Variants in SLC22A24 observed in about 807,000 individuals in gnomAD.
SLC22A24 encodes steroid transmembrane transporter SLC22A24.
In SLC22A24, 53 loss-of-function variants were observed where a neutral mutation model predicts 49.8. The ratio of observed to expected loss-of-function variants is 1.06; its 90% CI spans 0.85 to 1.34. The LOEUF (loss-of-function observed/expected upper bound fraction) is 1.34. Among genes scored for constraint, SLC22A24 ranks in the 40% most tolerant of loss-of-function variants. The probability of loss-of-function intolerance (pLI) is 0.00; values close to 1 mark genes in which losing one functional copy is unlikely to be tolerated. For missense variants in SLC22A24, 786 were observed against 675.9 expected (o/e 1.16, Z -1.81); for synonymous variants, 302 against 256.4 (o/e 1.18, Z -1.70).
chr11:63,083,271 G>T lies in SLC22A24; in HGVS notation c.1257C>A (p.Phe419Leu). Residue 419 changes from phenylalanine (F) to leucine (L), a missense_variant, in exon 7 of 10, where the codon TTC becomes TTA. Coordinates refer to ENST00000612278, the MANE Select transcript of SLC22A24 (RefSeq NM_001136506.2). ...QILFTFPVGL[F>L]ILVNTFLPQE... ...GGGGCAAAAAGGTGTTGACCAGAAT[G>T]AAAAGTCCCACCGGGAACGTGAACA... 1 of 1,559,028 alleles carries T rather than the reference G, an allele frequency of 6.4e-7. No homozygotes were observed. Among genetic ancestry groups the T allele is most frequent in the Non-Finnish European group, 8.7e-7 (1 of 1,150,406 alleles).
intron 3 of SLC22A24, 41 bp downstream of exon 3, chr11:63,119,140 C>T (rs1003539082): frequency 1.3e-6 from 2 of 1,526,486 alleles, no homozygotes; most frequent in African/African-American, 2.8e-5. Flanking sequence ...AAGGTCAATT[C>T]AAGACATGGA....
intron 2 of SLC22A24, among the ~76,000 whole-genome samples, chr11:63,132,308 C>A (rs1484618282): frequency 6.6e-6 from 1 of 152,156 alleles, no homozygotes; most frequent in Non-Finnish European, 1.5e-5. Context: ...ATTCTTCATC[C>A]AGTTTTTTTC....
intron 4 of SLC22A24, among the ~76,000 whole-genome samples, chr11:63,112,804 G>A (rs1474841548): frequency 4.0e-5 from 6 of 151,458 alleles, no homozygotes; most frequent in Non-Finnish European, 7.4e-5. Flanking sequence ...ACGAGGTCAG[G>A]AGATTGAGAC....
chr11:63,085,526 C>T (rs192520145), intron 6 of SLC22A24, among the ~76,000 whole-genome samples: 6 of 152,156 alleles, frequency 3.9e-5, no homozygotes, highest in Admixed American at 3.3e-4. Flanking sequence ...AGCAGGTTTT[C>T]GTCTGAGACA....
At chr11:63,135,920 G>A (rs900654706) in intron 1 of SLC22A24, among the ~76,000 whole-genome samples, 1 of 152,204 alleles carries the variant, frequency 6.6e-6, no homozygotes, top group East Asian at 1.9e-4. Context: ...ACAATGACCA[G>A]TTGAGAGCAA....
chr11:63,094,234 A>G (rs1191077953), intron 6 of SLC22A24, among the ~76,000 whole-genome samples: 1 of 147,502 alleles, frequency 6.8e-6, no homozygotes, highest in African/African-American at 2.5e-5. Context: ...GAGTGAGAAC[A>G]TGCAGTGTTT....
chr11:63,116,717 A>C (rs1458175828), intron 4 of SLC22A24, among the ~76,000 whole-genome samples: 1 of 152,134 alleles, frequency 6.6e-6, no homozygotes, highest in African/African-American at 2.4e-5. Context: ...TGGGACTACA[A>C]AATGCATATG....
intron 2 of SLC22A24, among the ~76,000 whole-genome samples, chr11:63,128,406 G>A (rs952864701): frequency 1.3e-5 from 2 of 152,012 alleles, no homozygotes; most frequent in South Asian, 2.1e-4. Flanking sequence ...ACTGGGAAAG[G>A]GATTCTCCCT....
rs2087153230 is a variant in SLC22A24, at chr11:63,110,263, G to A, written c.831-5965C>T. Among the ~76,000 whole-genome samples, 4 of 152,118 alleles carry A rather than the reference G, an allele frequency of 2.6e-5. No homozygotes were observed. The South Asian group carries it at 6.2e-4, about 24-fold the overall frequency. On this transcript the variant is annotated intron_variant, in intron 4 of 9. Transcript: ENST00000612278. ...TTGGTTACTGTAGTCTTGTAGTATA[G>A]TTTGAAGTCAGGTAGCATGATGCCT...
intron 2 of SLC22A24, among the ~76,000 whole-genome samples, chr11:63,132,185 C>G (rs1590749754): frequency 2.0e-5 from 3 of 152,242 alleles, no homozygotes; most frequent in South Asian, 2.1e-4. Flanking sequence ...TTCGTCTAAC[C>G]TTTTTTCAAG....
chr11:63,111,217 T>C (rs1359573671), intron 4 of SLC22A24, among the ~76,000 whole-genome samples: 1 of 151,852 alleles, frequency 6.6e-6, no homozygotes, highest in Non-Finnish European at 1.5e-5. Context: ...TCATGGTGGA[T>C]AAGCTTTTTG....
chr11:63,113,971 C>A (rs2087194632), intron 4 of SLC22A24, among the ~76,000 whole-genome samples: 1 of 152,004 alleles, frequency 6.6e-6, no homozygotes, highest in Non-Finnish European at 1.5e-5. Flanking sequence ...GGTAACCCGA[C>A]CTTTCTCTCT....
At chr11:63,103,784 A>G (rs1488595534) in intron 5 of SLC22A24, among the ~76,000 whole-genome samples, 3 of 152,192 alleles carry the variant, frequency 2.0e-5, no homozygotes, top group Non-Finnish European at 4.4e-5. Context: ...ATAAATACAT[A>G]AAGGGTCAAA....
At chr11:63,087,307 G>A (rs945667944) in intron 6 of SLC22A24, among the ~76,000 whole-genome samples, 1 of 152,142 alleles carries the variant, frequency 6.6e-6, no homozygotes, top group African/African-American at 2.4e-5. Context: ...AGGGTGGGGC[G>A]TCAGCTCACC....
At chr11:63,133,817 G>A (rs186524810) in intron 2 of SLC22A24, among the ~76,000 whole-genome samples, 20 of 152,044 alleles carry the variant, frequency 1.3e-4, no homozygotes, top group Admixed American at 2.6e-4. Flanking sequence ...GCTAATTTTT[G>A]TATTTTTAGT....
intron 1 of SLC22A24, among the ~76,000 whole-genome samples, chr11:63,135,543 G>A (rs1379446761): frequency 6.6e-6 from 1 of 152,202 alleles, no homozygotes; most frequent in Non-Finnish European, 1.5e-5. Context: ...AAATGTAATT[G>A]TGGTTTTTGC....
intron 1 of SLC22A24, among the ~76,000 whole-genome samples, chr11:63,138,113 G>C (rs1050957544): frequency 1.3e-5 from 2 of 152,158 alleles, no homozygotes; most frequent in African/African-American, 4.8e-5. Flanking sequence ...ACCTCTATAA[G>C]CCTGCCTTTC....
At chr11:63,120,664 A>C (rs1187244929) in intron 2 of SLC22A24, among the ~76,000 whole-genome samples, 1 of 152,098 alleles carries the variant, frequency 6.6e-6, no homozygotes, top group Non-Finnish European at 1.5e-5. Flanking sequence ...CTTTGACCAA[A>C]TTACATGAGT....
At chr11:63,089,734 G>T (rs1244888880) in intron 6 of SLC22A24, among the ~76,000 whole-genome samples, 1 of 152,078 alleles carries the variant, frequency 6.6e-6, no homozygotes, top group Non-Finnish European at 1.5e-5. Context: ...AAAAGCAGGA[G>T]TTGCAATCTT....
Sources: allele counts gnomAD v4.1 joint callset (sites outside exome capture counted in the v4.1 genomes callset), GRCh38; gene constraint gnomAD v4.1.1; transcripts MANE v1.5; gene names NCBI Gene and HGNC (gene_info 2026-07-23, HGNC 2026-07-21).